The following LRRFIP1 variants were observed in gnomAD, a reference collection of about 807,000 sequenced individuals.
LRRFIP1 encodes leucine-rich repeat flightless-interacting protein 1.
Under a neutral mutation model 104.4 loss-of-function variants are expected in LRRFIP1, and 62 were observed. The observed-to-expected ratio is 0.59, with a 90% CI of 0.48 to 0.73. LRRFIP1 has a LOEUF of 0.73. Among genes scored for constraint, LRRFIP1 ranks in the 30% least tolerant of loss-of-function variants. The pLI is 0.00. For missense variants in LRRFIP1, 796 were observed against 824.5 expected (o/e 0.97, Z 0.42); for synonymous variants, 300 against 299.0 (o/e 1.00, Z -0.03).
intron 19 of LRRFIP1, chr2:237,763,989 C>A: frequency 6.2e-7 from 1 of 1,614,138 alleles, no homozygotes; most frequent in South Asian, 1.1e-5. Flanking sequence ...CCAAGTCAGA[C>A]CGTCAGGAAA....
intron 1 of LRRFIP1, chr2:237,692,057 G>C (rs1197734764): frequency 4.9e-6 from 2 of 406,292 alleles, no homozygotes; most frequent in African/African-American, 4.8e-5. Flanking sequence ...GGGCGGGGAA[G>C]GCGGGTCATG....
intron 19 of LRRFIP1, chr2:237,762,502 A>G: frequency 1.1e-6 from 1 of 887,646 alleles, no homozygotes; most frequent in South Asian, 1.8e-5. Context: ...TGTCTTTAGG[A>G]ATAGGGGTGG....
At chr2:237,639,361 G>A (rs1037373364) in intron 1 of LRRFIP1, among the ~76,000 whole-genome samples, 4 of 152,238 alleles carry the variant, frequency 2.6e-5, no homozygotes, top group East Asian at 1.9e-4. Flanking sequence ...TAGTGTCAGC[G>A]TCCCTGGGGA....
chr2:237,721,290 G>A (rs1335066594), intron 6 of LRRFIP1: 2 of 159,842 alleles, frequency 1.3e-5, no homozygotes, highest in African/African-American at 4.8e-5. Context: ...CTGAAAACCT[G>A]GACCAGGACT....
rs541348921 is a variant in LRRFIP1, at chr2:237,687,345, C to A, written c.97-21199C>A. Among the ~76,000 whole-genome samples the A allele has an allele frequency of 5.9e-5, 9 of 152,222 alleles. No homozygotes were observed. In the East Asian group the frequency reaches 1.2e-3, roughly 20 times the overall value. ...ATAGGCCAGGTGTGGTGGCTTACAC[C>A]TGTAATCCCAGCACTTTGGGAGGGT... On this transcript the variant is annotated intron_variant, in intron 1 of 23. Transcript: ENST00000308482.
At chr2:237,739,887 A>T (rs1029355362) in intron 11 of LRRFIP1, among the ~76,000 whole-genome samples, 2 of 152,062 alleles carry the variant, frequency 1.3e-5, no homozygotes, top group Non-Finnish European at 2.9e-5. Context: ...ACCTGATGTG[A>T]TGCTTGAAGG....
At chr2:237,705,081 G>A (rs1170803066) in intron 1 of LRRFIP1, among the ~76,000 whole-genome samples, 1 of 152,150 alleles carries the variant, frequency 6.6e-6, no homozygotes, top group African/African-American at 2.4e-5. Flanking sequence ...GTCTGGAGCA[G>A]GTGCAATACT....
At chr2:237,721,083 A>G (rs528021958) in intron 6 of LRRFIP1, 193 of 423,874 alleles carry the variant, frequency 4.6e-4, no homozygotes, top group African/African-American at 3.3e-3. Flanking sequence ...TATCCACATC[A>G]CAAAGCTCCC....
intron 15 of LRRFIP1, among the ~76,000 whole-genome samples, chr2:237,755,512 G>A (rs973594832): frequency 4.6e-5 from 7 of 152,214 alleles, no homozygotes; most frequent in East Asian, 3.8e-4. Context: ...GCCCTTCGTC[G>A]GCTCTTGCTT....
chr2:237,708,206 G>A (rs1318718800), intron 1 of LRRFIP1, among the ~76,000 whole-genome samples: 3 of 152,236 alleles, frequency 2.0e-5, no homozygotes, highest in African/African-American at 7.2e-5. Context: ...CCTTAGGCAA[G>A]TTACTTACCC....
intron 11 of LRRFIP1, among the ~76,000 whole-genome samples, chr2:237,741,126 C>T (rs1213150971): frequency 6.6e-6 from 1 of 152,212 alleles, no homozygotes; most frequent in African/African-American, 2.4e-5. Flanking sequence ...CAAATGTGTG[C>T]AGGGAGTGCG....
intron 7 of LRRFIP1, among the ~76,000 whole-genome samples, 159 bp downstream of exon 7, chr2:237,723,745 T>G (rs1163822300): frequency 6.6e-6 from 1 of 152,250 alleles, no homozygotes; most frequent in South Asian, 2.1e-4. Flanking sequence ...GAGTGAGCAG[T>G]CTTCCTCCTG....
At chr2:237,748,035 T>C (rs1464631165) in intron 11 of LRRFIP1, among the ~76,000 whole-genome samples, 1 of 152,078 alleles carries the variant, frequency 6.6e-6, no homozygotes, top group African/African-American at 2.4e-5. Context: ...ACCCTCATGG[T>C]GCAGGGCTCT....
chr2:237,753,186 C>T (rs2058842159), intron 14 of LRRFIP1, 123 bp from the exon 15 acceptor site: 1 of 634,454 alleles, frequency 1.6e-6, no homozygotes, highest in South Asian at 2.4e-5. Context: ...TTCTTCTGAT[C>T]CATTTGCTCT....
chr2:237,647,999 C>T (rs945998212), intron 1 of LRRFIP1, among the ~76,000 whole-genome samples: 2 of 152,158 alleles, frequency 1.3e-5, no homozygotes, highest in East Asian at 1.9e-4. Flanking sequence ...CTTGTTTCTT[C>T]GATATTCTAA....
At chr2:237,634,295 A>G (rs1306585045) in intron 1 of LRRFIP1, among the ~76,000 whole-genome samples, 1 of 152,174 alleles carries the variant, frequency 6.6e-6, no homozygotes, top group East Asian at 1.9e-4. Flanking sequence ...GCATTGAAGG[A>G]CGGGACTTGG....
chr2:237,734,273 C>T (rs906586650), intron 9 of LRRFIP1, among the ~76,000 whole-genome samples: 40 of 90,218 alleles, frequency 4.4e-4, no homozygotes, highest in African/African-American at 1.9e-3. Context: ...TGTTAATAAC[C>T]TTTTTTTTTT....
chr2:237,775,694 C>G (rs72987103), intron 23 of LRRFIP1, among the ~76,000 whole-genome samples: 13 of 152,068 alleles, frequency 8.5e-5, no homozygotes, highest in African/African-American at 1.9e-4. Context: ...ACTAATTAGC[C>G]GGGTGCGGTG....
chr2:237,669,606 G>C (rs1410331312), intron 1 of LRRFIP1, among the ~76,000 whole-genome samples: 1 of 152,098 alleles, frequency 6.6e-6, no homozygotes, highest in Non-Finnish European at 1.5e-5. Flanking sequence ...CCAGGTGCTT[G>C]ATAACCCTAA....
Sources: allele counts gnomAD v4.1 joint callset (sites outside exome capture counted in the v4.1 genomes callset), GRCh38; gene constraint gnomAD v4.1.1; transcripts MANE v1.5; gene names NCBI Gene and HGNC (gene_info 2026-07-23, HGNC 2026-07-21).